Variants in ERO1A observed in about 807,000 individuals in gnomAD.
ERO1A encodes the protein ERO1-like protein alpha.
A neutral mutation model predicts 76.9 loss-of-function variants in ERO1A; 49 were observed. The observed-to-expected ratio is 0.64, with a 90% CI of 0.51 to 0.81. The LOEUF (loss-of-function observed/expected upper bound fraction) is 0.81. Among genes scored for constraint, ERO1A ranks in the 30% least tolerant of loss-of-function variants. The pLI is 0.00. For missense variants in ERO1A, 448 were observed against 542.1 expected, an observed-to-expected ratio of 0.83 and a Z score of 1.72; for synonymous variants, 174 against 181.2, an observed-to-expected ratio of 0.96 and a Z score of 0.32.
intron 3 of ERO1A, among the ~76,000 whole-genome samples, chr14:52,679,888 C>G (rs568597249): frequency 6.6e-6 from 1 of 151,650 alleles, no homozygotes; most frequent in South Asian, 2.1e-4. Context: ...TTGTCTCTAC[C>G]AAAAATACAA....
At chr14:52,676,917 A>C (rs1334770098) in intron 4 of ERO1A, among the ~76,000 whole-genome samples, 1 of 151,800 alleles carries the variant, frequency 6.6e-6, no homozygotes, top group Non-Finnish European at 1.5e-5. Context: ...TTCCATCCCA[A>C]CCTATTTTAA....
intron 6 of ERO1A, among the ~76,000 whole-genome samples, chr14:52,668,196 C>T (rs2040475763): frequency 6.6e-6 from 1 of 152,134 alleles, no homozygotes; most frequent in African/African-American, 2.4e-5. Context: ...ATACTAAAGG[C>T]AAGTGCCACA....
chr14:52,682,224 T>C (rs768636332), intron 3 of ERO1A, 101 bp downstream of exon 3: 65 of 869,270 alleles, frequency 7.5e-5, no homozygotes, highest in Non-Finnish European at 9.5e-5. Context: ...TGAAACCTCA[T>C]CTCTATTTTT....
chr14:52,682,536 C>G (rs1041879650), intron 2 of ERO1A, 128 bp from the exon 3 acceptor site: 2 of 645,966 alleles, frequency 3.1e-6, no homozygotes, highest in East Asian at 5.6e-5. Context: ...TTCCACCTAT[C>G]TGTTGCCAGT....
intron 13 of ERO1A, among the ~76,000 whole-genome samples, chr14:52,650,179 T>G (rs1395090808): frequency 6.6e-6 from 1 of 152,006 alleles, no homozygotes; most frequent in Non-Finnish European, 1.5e-5. Context: ...TGATTATGCC[T>G]CTGCACTTCA....
chr14:52,662,643 G>T (rs957068586), intron 8 of ERO1A, among the ~76,000 whole-genome samples: 2 of 152,108 alleles, frequency 1.3e-5, no homozygotes, highest in Admixed American at 1.3e-4. Flanking sequence ...TTACAGATGG[G>T]GTAGGGTTTT....
intron 11 of ERO1A, among the ~76,000 whole-genome samples, chr14:52,657,222 A>G (rs561878054): frequency 6.6e-6 from 1 of 152,334 alleles, no homozygotes; most frequent in South Asian, 2.1e-4. Context: ...ATATGGCTGC[A>G]GAACTGCCTC....
intron 3 of ERO1A, among the ~76,000 whole-genome samples, chr14:52,682,057 C>G (rs905556679): frequency 6.6e-5 from 10 of 152,064 alleles, no homozygotes; most frequent in African/African-American, 2.4e-4. Flanking sequence ...TATATTTAAA[C>G]TAAGGACTGC....
At chr14:52,653,394 A>G (rs2039942261) in intron 11 of ERO1A, 79 bp from the exon 12 acceptor site, 2 of 1,101,856 alleles carry the variant, frequency 1.8e-6, no homozygotes, top group Non-Finnish European at 2.5e-6. Flanking sequence ...ATTCATGCCT[A>G]TAGAAGTTAA....
Position 52,641,568 on chromosome 14 carries a change from C to T in ERO1A, c.*2002G>A, listed in dbSNP as rs771978439. 6.6e-6 allele frequency: 1 copy of T among 151,828 alleles called. No individual in the cohort carries two copies. Among genetic ancestry groups the T allele is most frequent in the Non-Finnish European group, 1.5e-5 (1 of 68,014 alleles). The allele number at this position is 151,828 out of a possible 1,614,324, so 9.4% of individuals were successfully genotyped here. On this transcript the variant is annotated 3_prime_UTR_variant, in exon 16 of 16. Coordinates refer to ENST00000395686, the MANE Select transcript of ERO1A (RefSeq NM_014584.3). ...GGCAGAGCTTGCAGTGAGCTAAGATCACGCCACTGCACTCCAACCTGGGCG... is the reference window on the plus strand; with the variant it reads ...GGCAGAGCTTGCAGTGAGCTAAGATTACGCCACTGCACTCCAACCTGGGCG...
chr14:52,690,645 G>A (rs1158954162), intron 1 of ERO1A, among the ~76,000 whole-genome samples: 8 of 152,104 alleles, frequency 5.3e-5, no homozygotes, highest in African/African-American at 1.4e-4. Context: ...AGTTTGCAGT[G>A]AGCCAAGATC....
intron 8 of ERO1A, 24 bp downstream of exon 8, chr14:52,663,777 T>C: frequency 2.1e-6 from 3 of 1,418,378 alleles, no homozygotes; most frequent in South Asian, 1.2e-5. Flanking sequence ...AGAAATAATA[T>C]AACAACGCAA....
At chr14:52,667,828 A>G (rs1306631955) in intron 6 of ERO1A, among the ~76,000 whole-genome samples, 1 of 152,208 alleles carries the variant, frequency 6.6e-6, no homozygotes. Context: ...ACAAAGAATT[A>G]AAAAGTGGAC....
chr14:52,683,941 T>C, intron 1 of ERO1A, 34 bp from the exon 2 acceptor site: 1 of 1,527,962 alleles, frequency 6.5e-7, no homozygotes, highest in East Asian at 2.3e-5. Flanking sequence ...TAAATTGAAA[T>C]GTCCTAAATG....
chr14:52,654,050 G>A (rs972876275), intron 11 of ERO1A, among the ~76,000 whole-genome samples: 6 of 152,162 alleles, frequency 3.9e-5, no homozygotes, highest in Non-Finnish European at 8.8e-5. Flanking sequence ...TTAATAAGGT[G>A]ACAAATTTAC....
chr14:52,691,289 G>A (rs563590952), intron 1 of ERO1A, among the ~76,000 whole-genome samples: 55 of 152,304 alleles, frequency 3.6e-4, no homozygotes, highest in African/African-American at 1.3e-3. Flanking sequence ...TCCACACCAG[G>A]TAGTAGGCAC....
At chr14:52,689,827 C>G (rs997964470) in intron 1 of ERO1A, among the ~76,000 whole-genome samples, 3 of 152,214 alleles carry the variant, frequency 2.0e-5, no homozygotes, top group African/African-American at 7.2e-5. Flanking sequence ...CAAGTAGCTA[C>G]AGCAATTTTG....
Position 52,661,320 on chromosome 14 carries a change from A to C in ERO1A, c.677-16T>G. 7.1e-7 allele frequency: 1 copy of C among 1,401,520 alleles called. No individual in the cohort carries two copies. Among genetic ancestry groups the C allele is most frequent in the Non-Finnish European group, 9.5e-7 (1 of 1,052,286 alleles). The allele number at this position is 1,401,520 out of a possible 1,614,324, so 86.8% of individuals were successfully genotyped here. A position where few individuals can be genotyped will look rare whatever the true frequency, so the allele number is the denominator to read the frequency against. ...TCACTTGTCCCTGAAAAGCAAAACA[A>C]AATGTTTATTAAAATAAATTCCTTC... is the stretch of plus-strand genomic sequence containing the variant. On this transcript the variant is annotated splice_polypyrimidine_tract_variant and intron_variant, in intron 8 of 15. Transcript: ENST00000395686.
At chr14:52,682,667 G>A (rs147967372) in intron 2 of ERO1A, among the ~76,000 whole-genome samples, 22,695 of 152,060 alleles carry the variant, frequency 0.15, 1,881 homozygotes, top group African/African-American at 0.23. Flanking sequence ...GGGAGGCCGA[G>A]GGGGGCGGAT....
Sources: gnomAD v4.1 joint callset for allele counts (sites outside exome capture counted in the v4.1 genomes callset) on GRCh38, gnomAD v4.1.1 for gene constraint, MANE v1.5 for transcripts, NCBI Gene and HGNC (gene_info 2026-07-23, HGNC 2026-07-21) for gene names.